PRKN: variants seen among roughly 807,000 people sequenced by gnomAD.
The protein encoded by PRKN is parkin RBR E3 ubiquitin protein ligase, also known as E3 ubiquitin-protein ligase parkin.
Under a neutral mutation model 59.5 loss-of-function variants are expected in PRKN, and 56 were observed. The ratio of observed to expected loss-of-function variants is 0.94; its 90% CI spans 0.76 to 1.18. The LOEUF (loss-of-function observed/expected upper bound fraction) is 1.18. Among genes scored for constraint, PRKN ranks in the 50% most tolerant of loss-of-function variants. The pLI is 0.00. For synonymous variants in PRKN, 250 were observed against 222.1 expected, an observed-to-expected ratio of 1.13 and a Z score of -1.12; for missense variants, 657 against 596.4, an observed-to-expected ratio of 1.10 and a Z score of -1.06.
chr6:162,131,415 TA>T (rs1562531055), intron 4 of PRKN, among the ~76,000 whole-genome samples: 1 of 152,208 alleles, frequency 6.6e-6, no homozygotes, highest in East Asian at 1.9e-4. Context: ...CAGGTTTCTA[TA>T]AAAATCAGCC....
intron 2 of PRKN, among the ~76,000 whole-genome samples, chr6:162,346,011 C>T (rs1022008651): frequency 5.9e-5 from 9 of 152,120 alleles, no homozygotes; most frequent in African/African-American, 2.2e-4. Flanking sequence ...AGCTGGCATG[C>T]TCTTGCCCTC....
intron 6 of PRKN, among the ~76,000 whole-genome samples, chr6:161,789,161 C>T (rs975957146): frequency 3.3e-5 from 5 of 152,110 alleles, no homozygotes; most frequent in African/African-American, 1.2e-4. Context: ...AACATGACAC[C>T]AATAAAAAGT....
At chr6:161,834,323 A>C (rs559750271) in intron 6 of PRKN, among the ~76,000 whole-genome samples, 1 of 152,146 alleles carries the variant, frequency 6.6e-6, no homozygotes, top group Non-Finnish European at 1.5e-5. Flanking sequence ...TGCAGGTAGA[A>C]GGCCTCACAC....
chr6:161,569,281 T>C, intron 8 of PRKN, 74 bp downstream of exon 8: 1 of 1,367,610 alleles, frequency 7.3e-7, no homozygotes, highest in East Asian at 2.3e-5. Context: ...TCGGCCTCCC[T>C]GGGGAGCCCA....
intron 2 of PRKN, among the ~76,000 whole-genome samples, chr6:162,419,050 A>T (rs6903308): frequency 9.9e-5 from 15 of 151,560 alleles, no homozygotes; most frequent in African/African-American, 3.1e-4. Flanking sequence ...AGGCTCCAGG[A>T]AAAGCAGGTG....
intron 6 of PRKN, 105 bp from the exon 7 acceptor site, chr6:161,786,013 C>T (rs1461945146): frequency 8.6e-6 from 10 of 1,162,024 alleles, no homozygotes; most frequent in South Asian, 6.5e-5. Flanking sequence ...GTAGACTGTG[C>T]TCTGTGCAAA....
intron 1 of PRKN, among the ~76,000 whole-genome samples, chr6:162,470,584 C>CT (rs1027669978): frequency 3.6e-4 from 53 of 148,130 alleles, no homozygotes; most frequent in African/African-American, 1.2e-3. Flanking sequence ...CTGCGAAACT[C>CT]TGTCTCAAAA....
chr6:162,593,453 C>T, intron 1 of PRKN, among the ~76,000 whole-genome samples: 1 of 152,132 alleles, frequency 6.6e-6, no homozygotes. Flanking sequence ...AACTTATAAA[C>T]TTTATTTATA....
At chr6:161,777,102 G>T (rs934954044) in intron 7 of PRKN, among the ~76,000 whole-genome samples, 1 of 152,076 alleles carries the variant, frequency 6.6e-6, no homozygotes, top group Non-Finnish European at 1.5e-5. Context: ...AACTTCTGAG[G>T]TTCCATTCCT....
intron 1 of PRKN, among the ~76,000 whole-genome samples, chr6:162,639,322 G>A (rs949127200): frequency 6.6e-6 from 1 of 151,984 alleles, no homozygotes; most frequent in Non-Finnish European, 1.5e-5. Context: ...TGTCTCTTAT[G>A]TAAATAAAAA....
chr6:162,134,725 C>T (rs1781501308), intron 4 of PRKN, among the ~76,000 whole-genome samples: 2 of 152,084 alleles, frequency 1.3e-5, no homozygotes, highest in Admixed American at 1.3e-4. Flanking sequence ...AGGTTGACAG[C>T]AGCATGGAGA....
chr6:162,588,791 T>C (rs1460449775), intron 1 of PRKN, among the ~76,000 whole-genome samples: 1 of 152,158 alleles, frequency 6.6e-6, no homozygotes, highest in Non-Finnish European at 1.5e-5. Context: ...GACCTCGTGA[T>C]CCACCTGCCT....
chr6:161,384,948 G>A (rs1786168536), intron 10 of PRKN, among the ~76,000 whole-genome samples: 2 of 152,088 alleles, frequency 1.3e-5, no homozygotes, highest in Non-Finnish European at 2.9e-5. Flanking sequence ...TTGAGGGGGT[G>A]GGGATGGAGT....
Position 162,163,546 on chromosome 6 carries a change from G to A in PRKN, c.534+37585C>T, listed in dbSNP as rs927197443. On this transcript the variant is annotated intron_variant, in intron 4 of 11. Coordinates refer to ENST00000366898, the MANE Select transcript of PRKN (RefSeq NM_004562.3). ...GGAAAAACAGGTAATGCTTTCCAGCGATGAGTGATGAAAAAGAAGCACAAC... is the reference window on the plus strand; with the variant it reads ...GGAAAAACAGGTAATGCTTTCCAGCAATGAGTGATGAAAAAGAAGCACAAC... Among the ~76,000 whole-genome samples the A allele has an allele frequency of 1.7e-4, 26 of 149,510 alleles. 2 individuals carry two copies. The highest frequency in any genetic ancestry group is 1.4e-3 in the East Asian group (7 of 5,178).
rs538786685 is a variant in PRKN at position 161,377,056 on chromosome 6, G to A, written c.1167+9738C>T. ...CGGCATGCAAGCGCCCTGTCTCTGC[G>A]GCTGTGCACGCAGGCAGACCCTGTG... On this transcript the variant is annotated intron_variant, in intron 10 of 11. Coordinates refer to ENST00000366898, the MANE Select transcript of PRKN (RefSeq NM_004562.3). This position sits in a 1 kb window ranked among gnomAD's most constrained non-coding sequence, Gnocchi z 4.2. Among the ~76,000 whole-genome samples the A allele has an allele frequency of 9.2e-5, 14 of 152,358 alleles. No individual in the cohort carries two copies. The highest frequency in any genetic ancestry group is 2.9e-4 in the African/African-American group (12 of 41,594).
In PRKN at chr6:161,752,113, T is replaced by C. The variant is rs1049364019; in HGVS notation, c.871+33659A>G. 3.3e-5 allele frequency among the ~76,000 whole-genome samples: 5 copies of C among 152,306 alleles called. No individual in the cohort carries two copies. In the South Asian group the frequency reaches 8.3e-4, roughly 25 times the overall value. On this transcript the variant is annotated intron_variant, in intron 7 of 11. Coordinates refer to ENST00000366898, the MANE Select transcript of PRKN (RefSeq NM_004562.3). ...GACAGGGAACTGATTTAATTTACAT[T>C]TTTGAAAAACCCTCTCAGGAGGCTG... is the stretch of plus-strand genomic sequence containing the variant.
In PRKN at chr6:162,472,045, A is replaced by G. The variant is rs1031597339; in HGVS notation, c.8-28572T>C. 3.9e-5 allele frequency among the ~76,000 whole-genome samples: 6 copies of G among 152,318 alleles called. No individual in the cohort carries two copies. The East Asian group carries it at 5.8e-4, about 15-fold the overall frequency. On this transcript the variant is annotated intron_variant, in intron 1 of 11. Coordinates refer to ENST00000366898, the MANE Select transcript of PRKN (RefSeq NM_004562.3). Reference sequence around the variant, plus strand: ...CAGTCAGATTGATTGATGCACATCAAGTCAATGACACTGGGGAACGCTTTG... The same window carrying G: ...CAGTCAGATTGATTGATGCACATCAGGTCAATGACACTGGGGAACGCTTTG...
intron 7 of PRKN, among the ~76,000 whole-genome samples, chr6:161,599,393 G>A (rs1169767995): frequency 6.6e-6 from 1 of 152,154 alleles, no homozygotes; most frequent in African/African-American, 2.4e-5. Flanking sequence ...GAAAATAGAA[G>A]GATCTGAGAA....
intron 2 of PRKN, among the ~76,000 whole-genome samples, chr6:162,342,989 A>G (rs1784252105): frequency 6.6e-6 from 1 of 152,182 alleles, no homozygotes; most frequent in African/African-American, 2.4e-5. Context: ...AAAAGTATCC[A>G]TGAAAGCCAA....
Sources: gnomAD v4.1 joint callset for allele counts (sites outside exome capture counted in the v4.1 genomes callset) on GRCh38, gnomAD v4.1.1 for gene constraint, Gnocchi (gnomAD v3.1) non-coding constraint, MANE v1.5 for transcripts, NCBI Gene and HGNC (gene_info 2026-07-23, HGNC 2026-07-21) for gene names.